Variants in TENM2 observed in about 807,000 individuals in gnomAD.
The protein encoded by TENM2 is teneurin transmembrane protein 2.
A neutral mutation model predicts 245.2 loss-of-function variants in TENM2; 52 were observed. That is an observed-to-expected ratio of 0.21 (90% confidence interval 0.17 to 0.27). The LOEUF is 0.27. TENM2 is among the 10% of genes least tolerant of loss of function. TENM2 has a pLI of 1.00. For synonymous variants in TENM2, 1,363 were observed against 1,438.9 expected, an observed-to-expected ratio of 0.95 and a Z score of 1.19; for missense variants, 3,046 against 3,666.8, an observed-to-expected ratio of 0.83 and a Z score of 4.37.
chr5:167,233,924 A>T, the TENM2 span, among the ~76,000 whole-genome samples: 77 of 148,508 alleles, frequency 5.2e-4, no homozygotes, highest in African/African-American at 1.8e-3. Flanking sequence ...TGGTGCTTTA[A>T]AAAAGGATGA....
Position 167,968,908 on chromosome 5 carries a change from G to A in TENM2, c.947+16086G>A, listed in dbSNP as rs1409568616. The stretch of plus-strand genomic sequence containing the variant: ...GTGCAAGGGGCGGTGCTATGCACAT[G>A]TGCATTTTCTGGATGTTCTTGTACT... On this transcript the variant is annotated intron_variant, in intron 4 of 28. Coordinates refer to ENST00000518659, the Ensembl canonical transcript of TENM2. Among the ~76,000 whole-genome samples the A allele has an allele frequency of 7.2e-5, 11 of 152,304 alleles. No individual in the cohort carries two copies. The South Asian group carries it at 2.1e-3, about 29-fold the overall frequency.
chr5:167,757,798 A>G (rs1328399726), intron 2 of TENM2, among the ~76,000 whole-genome samples: 2 of 152,158 alleles, frequency 1.3e-5, no homozygotes, highest in African/African-American at 4.8e-5. Flanking sequence ...GTGGCATGAG[A>G]TGGTATCTCA....
Position 167,469,741 on chromosome 5 carries a change from C to T in TENM2, c.502+94268C>T, listed in dbSNP as rs538438763. 2.7e-5 allele frequency among the ~76,000 whole-genome samples: 4 copies of T among 150,094 alleles called. No individual in the cohort carries two copies. In the South Asian group the frequency reaches 6.3e-4, roughly 24 times the overall value. The stretch of plus-strand genomic sequence containing the variant: ...CAATTGAAATCCTAGATTTTTTTTT[C>T]AGAAAAATAAGACATGAGATGAGGA... On this transcript the variant is annotated intron_variant, in intron 2 of 28. Transcript: ENST00000518659.
rs184145400 is a variant in TENM2, at chr5:167,848,052, G to A, written c.503-27934G>A. ...TATGTTCCCTACAGATAAGATGACC[G>A]TTTCTCTCCTTATGTGTTTCTCAAC... On this transcript the variant is annotated intron_variant, in intron 2 of 28. Coordinates refer to ENST00000518659, the Ensembl canonical transcript of TENM2. Among the ~76,000 whole-genome samples, 376 of 152,228 alleles carry A rather than the reference G, an allele frequency of 2.5e-3. 3 individuals carry two copies. Among genetic ancestry groups the A allele is most frequent in the Admixed American group, 0.023 (348 of 15,294 alleles).
At chr5:166,995,252 T>C in the TENM2 span, among the ~76,000 whole-genome samples, 1 of 152,034 alleles carries the variant, frequency 6.6e-6, no homozygotes, top group Non-Finnish European at 1.5e-5. Flanking sequence ...TATTTATTTA[T>C]TTTTTGAGAT....
At chr5:167,225,317 T>C in the TENM2 span, among the ~76,000 whole-genome samples, 2 of 152,096 alleles carry the variant, frequency 1.3e-5, no homozygotes, top group African/African-American at 2.4e-5. Flanking sequence ...ACATGTTCTT[T>C]ATTATTTTGA....
chr5:167,701,244 G>A (rs1279596419), intron 2 of TENM2, among the ~76,000 whole-genome samples: 3 of 152,082 alleles, frequency 2.0e-5, no homozygotes, highest in Non-Finnish European at 2.9e-5. Context: ...CAGGATGTGG[G>A]TTTTTTGCAT....
chr5:167,984,244 T>A (rs1295188842), intron 4 of TENM2, among the ~76,000 whole-genome samples: 1 of 152,198 alleles, frequency 6.6e-6, no homozygotes, highest in Non-Finnish European at 1.5e-5. Context: ...AAATGAATAA[T>A]AATCATGATG....
intron 2 of TENM2, among the ~76,000 whole-genome samples, chr5:167,617,957 C>T (rs1464027650): frequency 2.0e-5 from 3 of 152,142 alleles, no homozygotes; most frequent in African/African-American, 4.8e-5. Context: ...CTTTTAAGTA[C>T]TTTGTGATGG....
chr5:167,492,017 C>T (rs1283187037), intron 2 of TENM2, among the ~76,000 whole-genome samples: 1 of 152,036 alleles, frequency 6.6e-6, no homozygotes, highest in Non-Finnish European at 1.5e-5. Context: ...AATTTTATAA[C>T]TATTGCATTA....
chr5:168,218,639 A>G lies in TENM2; in HGVS notation c.4748A>G (p.Tyr1583Cys). The G allele has an allele frequency of 5.6e-6, 9 of 1,614,006 alleles. No homozygotes were observed. The highest frequency in any genetic ancestry group is 7.6e-6 in the Non-Finnish European group (9 of 1,179,904). The change falls in exon 23 of 29, where the codon TAT becomes TGT. Residue 1583 changes from tyrosine to cysteine, a missense_variant. Around this residue, in one of 2 missense-constraint regions of TENM2, gnomAD observed 2,704 missense variants for 3,331.9 expected, o/e 0.81. Transcript: ENST00000518659. The surrounding 1 kb of genome is among the most constrained non-coding windows in gnomAD (Gnocchi z 5.2). ...CCTGTTCTTAATGCCTTCAACCAGT[A>G]TGAGGCTGCATCCCCCGGAGAGCAG...
chr5:168,252,383 G>T (rs997913756), intron 27 of TENM2, among the ~76,000 whole-genome samples: 1 of 134,588 alleles, frequency 7.4e-6, no homozygotes, highest in Admixed American at 7.5e-5. Flanking sequence ...AAAAAAAAAA[G>T]ACTGGGAGAC....
chr5:168,134,161 A>C (rs192236840), intron 12 of TENM2, among the ~76,000 whole-genome samples: 2 of 152,254 alleles, frequency 1.3e-5, no homozygotes, highest in East Asian at 3.9e-4. Context: ...TCTCAAAAAA[A>C]AACAAAACAA....
At chr5:168,161,576 G>A (rs1757743791) in intron 12 of TENM2, among the ~76,000 whole-genome samples, 1 of 152,160 alleles carries the variant, frequency 6.6e-6, no homozygotes, top group Non-Finnish European at 1.5e-5. Context: ...GGTTTTGTGA[G>A]TGTGGCCACA....
At chr5:167,838,804 C>T (rs759225696) in intron 2 of TENM2, among the ~76,000 whole-genome samples, 1 of 152,092 alleles carries the variant, frequency 6.6e-6, no homozygotes, top group African/African-American at 2.4e-5. Flanking sequence ...AATTATAGAT[C>T]GGGGTTTCAA....
chr5:167,246,769 T>G, the TENM2 span, among the ~76,000 whole-genome samples: 1 of 151,872 alleles, frequency 6.6e-6, no homozygotes, highest in Non-Finnish European at 1.5e-5. Flanking sequence ...TCATGTTGGT[T>G]GGCGCGGGGT....
At chr5:167,271,593 T>C in the TENM2 span, among the ~76,000 whole-genome samples, 1 of 152,310 alleles carries the variant, frequency 6.6e-6, no homozygotes, top group East Asian at 1.9e-4. Context: ...GTACGTGTTA[T>C]CCCTTTGTGG....
chr5:167,011,024 G>A, the TENM2 span, among the ~76,000 whole-genome samples: 1 of 152,124 alleles, frequency 6.6e-6, no homozygotes, highest in Non-Finnish European at 1.5e-5. Flanking sequence ...AAGTAGACTG[G>A]TCAGGCTAAT....
At chr5:167,440,631 G>A (rs577138197) in intron 2 of TENM2, among the ~76,000 whole-genome samples, 1 of 152,070 alleles carries the variant, frequency 6.6e-6, no homozygotes, top group Admixed American at 6.5e-5. Flanking sequence ...AAATAAAAAG[G>A]CACTATGTAA....
Sources: gnomAD v4.1 joint callset for allele counts (sites outside exome capture counted in the v4.1 genomes callset) on GRCh38, gnomAD v4.1.1 for gene constraint, gnomAD v4.1.1 regional missense constraint, Gnocchi (gnomAD v3.1) non-coding constraint, MANE v1.5 for transcripts, NCBI Gene and HGNC (gene_info 2026-07-23, HGNC 2026-07-21) for gene names.